ITSN1: variants seen among roughly 807,000 people sequenced by gnomAD.
The protein encoded by ITSN1 is intersectin 1, also known as intersectin-1.
ITSN1 carries 58 observed loss-of-function variants against 239.8 expected under a neutral mutation model. The observed-to-expected ratio is 0.24, with a 90% CI of 0.20 to 0.30. ITSN1 has a LOEUF of 0.30. Among genes scored for constraint, ITSN1 ranks in the 10% least tolerant of loss-of-function variants. The pLI is 1.00. For missense variants in ITSN1, 1,558 were observed against 2,103.3 expected, an observed-to-expected ratio of 0.74 and a Z score of 5.07; for synonymous variants, 780 against 770.8, an observed-to-expected ratio of 1.01 and a Z score of -0.20.
rs1468885864 is a variant in ITSN1, at chr21:33,829,691, G to A, written c.3297G>A (p.Gln1099=). ...GPEQLTLAPG[Q]LILIRKKNPG... is the part of the protein sequence containing the mutation. ...AGCAGCTCACTCTCGCCCCTGGTCA[G>A]CTGATTTTGATCCGAAAAAAGAACC... The change falls in exon 27 of 40, where the codon CAG becomes CAA. Residue 1099 remains glutamine, a synonymous_variant. Coordinates refer to ENST00000381318, the MANE Select transcript of ITSN1 (RefSeq NM_003024.3). 3.1e-6 allele frequency: 5 copies of A among 1,613,114 alleles called. No individual in the cohort carries two copies. Among genetic ancestry groups the A allele is most frequent in the Non-Finnish European group, 4.2e-6 (5 of 1,179,942 alleles).
chr21:33,802,344 G>A (rs756236840), intron 19 of ITSN1, 86 bp from the exon 20 acceptor site: 50 of 1,343,076 alleles, frequency 3.7e-5, no homozygotes, highest in South Asian at 6.1e-5. Flanking sequence ...GATGAGATGC[G>A]TAGAGTTTAG....
intron 2 of ITSN1, among the ~76,000 whole-genome samples, chr21:33,720,059 C>T (rs2065391575): frequency 1.3e-5 from 2 of 152,148 alleles, no homozygotes; most frequent in South Asian, 2.1e-4. Context: ...TGTCCCCCTT[C>T]TTAATTACTG....
At chr21:33,796,177 A>T (rs1053320468) in intron 17 of ITSN1, among the ~76,000 whole-genome samples, 4 of 151,014 alleles carry the variant, frequency 2.6e-5, no homozygotes, top group African/African-American at 9.7e-5. Flanking sequence ...TTGGTCTAGA[A>T]CTCCTGGCTG....
chr21:33,761,846 T>C, intron 8 of ITSN1, 77 bp from the exon 9 acceptor site: 1 of 1,036,924 alleles, frequency 9.6e-7, no homozygotes, highest in Non-Finnish European at 1.5e-6. Flanking sequence ...GTAGTCCACA[T>C]ACGCAGAACC....
chr21:33,879,467 C>T (rs1984539016), intron 34 of ITSN1, among the ~76,000 whole-genome samples: 1 of 152,200 alleles, frequency 6.6e-6, no homozygotes, highest in African/African-American at 2.4e-5. Flanking sequence ...GCAGGGCAGG[C>T]TGAGGCCCAG....
At chr21:33,862,537 C>T (rs1980815226) in intron 31 of ITSN1, among the ~76,000 whole-genome samples, 1 of 152,142 alleles carries the variant, frequency 6.6e-6, no homozygotes, top group Non-Finnish European at 1.5e-5. Flanking sequence ...GGAAGTCCAG[C>T]AGGGCGGGAA....
rs186710050 is a variant in ITSN1 at position 33,730,052 on chromosome 21, A to G, written c.186-4992A>G. ...TTTTTTTTCTACCTCTTACGTGGATATGTTAGTTATTTATAATATGATTAG... is the reference window on the plus strand; with the variant it reads ...TTTTTTTTCTACCTCTTACGTGGATGTGTTAGTTATTTATAATATGATTAG... On this transcript the variant is annotated intron_variant, in intron 4 of 39. Transcript: ENST00000381318. Among the ~76,000 whole-genome samples, 5 of 152,250 alleles carry G rather than the reference A, an allele frequency of 3.3e-5. No individual in the cohort carries two copies. In the East Asian group the frequency reaches 7.7e-4, roughly 23 times the overall value.
intron 29 of ITSN1, among the ~76,000 whole-genome samples, chr21:33,844,917 C>T (rs1472227730): frequency 6.6e-6 from 1 of 152,020 alleles, no homozygotes; most frequent in African/African-American, 2.4e-5. Context: ...GTCCTGTCCG[C>T]CTCCCCTTCC....
At chr21:33,685,928 T>C (rs1338239776) in intron 1 of ITSN1, among the ~76,000 whole-genome samples, 2 of 152,236 alleles carry the variant, frequency 1.3e-5, no homozygotes, top group African/African-American at 4.8e-5. Flanking sequence ...TCAGACTGAA[T>C]TGAATATTTG....
chr21:33,856,725 G>A lies in ITSN1; in HGVS notation c.3662-11G>A. 1.5e-6 allele frequency: 2 copies of A among 1,368,184 alleles called. No homozygotes were observed. The highest frequency in any genetic ancestry group is 2.1e-6 in the Non-Finnish European group (2 of 973,080). The allele number at this position is 1,368,184 out of a possible 1,614,324, so 84.8% of individuals were successfully genotyped here. ...CTGTGCTAAGTTCTCCCAAATGGTT[G>A]TGTTTTCCAGGGTGTTCAGACTTAC... On this transcript the variant is annotated splice_polypyrimidine_tract_variant and intron_variant, in intron 29 of 39. Transcript: ENST00000381318.
intron 26 of ITSN1, chr21:33,828,997 A>G (rs2074133649): frequency 2.1e-6 from 1 of 471,416 alleles, no homozygotes; most frequent in African/African-American, 2.0e-5. Flanking sequence ...ATAAAAAGAA[A>G]GAAATTTGCC....
chr21:33,750,200 G>T lies in ITSN1; in HGVS notation c.404G>T (p.Gly135Val). 1 of 1,614,104 alleles carries T rather than the reference G, an allele frequency of 6.2e-7. No homozygotes were observed. The highest frequency in any genetic ancestry group is 8.5e-7 in the Non-Finnish European group (1 of 1,180,018). The change falls in exon 6 of 40, where the codon GGA becomes GTA. Residue 135 changes from glycine (G) to valine (V), a missense_variant. Coordinates refer to ENST00000381318, the MANE Select transcript of ITSN1 (RefSeq NM_003024.3). ...PLTAVAPVPM[G>V]SIPVVGMSPT... is the part of the protein sequence containing the mutation. The stretch of plus-strand genomic sequence containing the variant: ...ACAGCTGTTGCTCCAGTGCCAATGG[G>T]ATCCATTCCAGTTGTTGGAATGTCT...
intron 16 of ITSN1, among the ~76,000 whole-genome samples, chr21:33,788,502 G>A (rs143888749): frequency 2.3e-4 from 35 of 152,264 alleles, no homozygotes; most frequent in Admixed American, 1.0e-3. Context: ...AGTTCGAGGC[G>A]AGTGGATCAC....
At chr21:33,866,115 G>T (rs1165664200) in intron 32 of ITSN1, among the ~76,000 whole-genome samples, 1 of 152,214 alleles carries the variant, frequency 6.6e-6, no homozygotes, top group Admixed American at 6.5e-5. Flanking sequence ...TTTGGAGACA[G>T]GCCATCCTCA....
intron 1 of ITSN1, among the ~76,000 whole-genome samples, chr21:33,680,481 A>G (rs1234956229): frequency 6.6e-6 from 1 of 151,492 alleles, no homozygotes; most frequent in Admixed American, 6.6e-5. Context: ...ACAGGCATGC[A>G]CCACCACACC....
intron 1 of ITSN1, chr21:33,643,478 C>T (rs922292732): frequency 1.3e-5 from 2 of 152,010 alleles, no homozygotes; most frequent in African/African-American, 4.8e-5. Context: ...TCGGCCGCAC[C>T]TTCCTGCGCT....
At chr21:33,779,656 T>C (rs973156632) in intron 14 of ITSN1, among the ~76,000 whole-genome samples, 1 of 152,218 alleles carries the variant, frequency 6.6e-6, no homozygotes, top group African/African-American at 2.4e-5. Flanking sequence ...CTGATCATTG[T>C]GGATTTGTAT....
chr21:33,816,172 G>A (rs1285455379), intron 22 of ITSN1, among the ~76,000 whole-genome samples: 3 of 151,022 alleles, frequency 2.0e-5, no homozygotes, highest in Non-Finnish European at 4.4e-5. Context: ...CAGCCTGGGC[G>A]ACAGAGCAAG....
chr21:33,825,172 G>A (rs936306902), intron 25 of ITSN1, among the ~76,000 whole-genome samples: 5 of 151,994 alleles, frequency 3.3e-5, no homozygotes, highest in African/African-American at 7.3e-5. Flanking sequence ...AAAACCATCC[G>A]AAATAAATTT....
Sources: allele counts gnomAD v4.1 joint callset (sites outside exome capture counted in the v4.1 genomes callset), GRCh38; gene constraint gnomAD v4.1.1; transcripts MANE v1.5; gene names NCBI Gene and HGNC (gene_info 2026-07-23, HGNC 2026-07-21).